SLC9A6: variants seen among roughly 807,000 people sequenced by gnomAD.
SLC9A6 encodes the protein solute carrier family 9 member A6, also known as sodium/hydrogen exchanger 6.
SLC9A6 carries 6 observed loss-of-function variants against 45.3 expected under a neutral mutation model. The observed-to-expected ratio is 0.13, with a 90% CI of 0.07 to 0.26. The LOEUF (loss-of-function observed/expected upper bound fraction) is 0.26, where lower values mean the gene tolerates loss of function less well. SLC9A6 is among the 10% of genes least tolerant of loss of function. The probability of loss-of-function intolerance (pLI) is 1.00; values close to 1 mark genes in which losing one functional copy is unlikely to be tolerated. For missense variants in SLC9A6, 278 were observed against 503.7 expected (o/e 0.55, Z 4.29); for synonymous variants, 191 against 187.7 (o/e 1.02, Z -0.14).
At chrX:136,010,779 G>T (rs1418581109) in intron 8 of SLC9A6, among the ~76,000 whole-genome samples, 196 bp downstream of exon 8, 1 of 111,988 alleles carries the variant, frequency 8.9e-6, no homozygotes, top group African/African-American at 3.2e-5. Context: ...TCTGCATAGG[G>T]TTTGGTGCCC....
At position 136,046,796 on chromosome X, in the gene SLC9A6, ACT is replaced by A. The variant is rs1418111175; in HGVS notation, c.*2075_*2076del. 5.3e-5 allele frequency: 6 copies of A among 112,238 alleles called. No individual in the cohort carries two copies. The highest frequency in any genetic ancestry group is 1.9e-4 in the Admixed American group (2 of 10,552). The allele number at this position is 112,238 out of a possible 1,213,427, so 9.2% of individuals were successfully genotyped here. ...TCTCCAAGCAAGGAAGAAAAAACAA[ACT>A]CTGCTCAGACGCCTATGAAACACCT... On this transcript the variant is annotated 3_prime_UTR_variant, in exon 18 of 18. Transcript: ENST00000630721.
chrX:135,992,455 T>C (rs781940081), intron 2 of SLC9A6, among the ~76,000 whole-genome samples: 3 of 111,932 alleles, frequency 2.7e-5, no homozygotes, highest in African/African-American at 9.7e-5. Context: ...ATTTTACTTT[T>C]GGGATAAACT....
intron 16 of SLC9A6, among the ~76,000 whole-genome samples, chrX:136,034,581 T>C (rs1001199661): frequency 1.8e-5 from 2 of 112,244 alleles, no homozygotes; most frequent in African/African-American, 3.2e-5. Context: ...TTATGTTCTA[T>C]TGAAGCAAAT....
At chrX:135,978,996 T>C (rs1342483708) in intron 1 of SLC9A6, among the ~76,000 whole-genome samples, 2 of 110,494 alleles carry the variant, frequency 1.8e-5, no homozygotes, top group Non-Finnish European at 3.8e-5. Context: ...CTTCTTGTTT[T>C]CTTATACATT....
At position 136,008,328 on chromosome X, in the gene SLC9A6, C is replaced by T. The variant is rs966351034; in HGVS notation, c.744-2114C>T. Among the ~76,000 whole-genome samples, 7 of 111,559 alleles carry T rather than the reference C, an allele frequency of 6.3e-5. No individual in the cohort carries two copies. In the Admixed American group the frequency reaches 6.7e-4, roughly 11 times the overall value. On this transcript the variant is annotated intron_variant, in intron 7 of 17. Transcript: ENST00000630721. ...TCAGCTCACTGCAACCTCCACCTCC[C>T]GGGTTCATGAGGTTCACCTGCCTTA... is the stretch of plus-strand genomic sequence containing the variant.
In SLC9A6 at chrX:136,011,157, G is replaced by A. The variant is rs139987144; in HGVS notation, c.885+574G>A. Among the ~76,000 whole-genome samples the A allele has an allele frequency of 5.0e-3, 564 of 112,192 alleles. 4 individuals are homozygous for A. Among genetic ancestry groups the A allele is most frequent in the African/African-American group, 0.016 (495 of 30,895 alleles). On this transcript the variant is annotated intron_variant, in intron 8 of 17. Transcript: ENST00000630721. Reference sequence around the variant, plus strand: ...GTTCATGCAAAGGCCATTTTATCCCGGACTTCACCACCATGCAATATATCC... The same window carrying A: ...GTTCATGCAAAGGCCATTTTATCCCAGACTTCACCACCATGCAATATATCC...
intron 12 of SLC9A6, among the ~76,000 whole-genome samples, chrX:136,024,109 A>T (rs1556620284): frequency 9.0e-6 from 1 of 111,143 alleles, no homozygotes. Context: ...CTGGTCTCGA[A>T]CTCCTGACCT....
intron 16 of SLC9A6, among the ~76,000 whole-genome samples, chrX:136,038,207 T>C (rs1340575518): frequency 8.9e-6 from 1 of 112,007 alleles, no homozygotes; most frequent in Non-Finnish European, 1.9e-5. Flanking sequence ...AGCATTCTCT[T>C]TTATTTCTAG....
chrX:136,036,901 G>T (rs1247528459), intron 16 of SLC9A6, among the ~76,000 whole-genome samples: 1 of 112,398 alleles, frequency 8.9e-6, no homozygotes, highest in Non-Finnish European at 1.9e-5. Flanking sequence ...CATGGTGAGA[G>T]ATAGTGGGTG....
chrX:135,988,726 G>GT (rs1189508013), intron 2 of SLC9A6, among the ~76,000 whole-genome samples: 1 of 109,274 alleles, frequency 9.2e-6, no homozygotes, highest in Non-Finnish European at 1.9e-5. Flanking sequence ...ATCCTTCTGA[G>GT]TTACTGTGAC....
At position 136,016,744 on chromosome X, in the gene SLC9A6, G is replaced by C; in HGVS notation, c.1180G>C (p.Val394Leu). The part of the protein sequence containing the change: ...FQNHVFNPTF[V>L]VGAFVAIFLG... ...GAACCATGTCTTTAACCCAACATTT[G>C]TAGTAGGAGCATTTGTATCCTTTAT... The change falls in exon 11 of 18, where the codon GTA becomes CTA. Residue 394 changes from valine to leucine, a missense_variant. Val to Leu is a conservative substitution (Grantham distance 32). This residue lies in a region of SLC9A6 where 41 missense variants were observed against 51.8 expected (regional missense o/e 0.79). Coordinates refer to ENST00000630721, the MANE Select transcript of SLC9A6 (RefSeq NM_001379110.1). 9.1e-7 allele frequency: 1 copy of C among 1,093,132 alleles called. No homozygotes were observed. Among genetic ancestry groups the C allele is most frequent in the African/African-American group, 1.8e-5 (1 of 55,475 alleles). The allele number at this position is 1,093,132 out of a possible 1,213,427, so 90.1% of individuals were successfully genotyped here.
rs1556616278 is a variant in SLC9A6 at position 135,994,931 on chromosome X, A to G, written c.315A>G (p.Gly105=). Residue 105 remains glycine (G), a synonymous_variant, in exon 3 of 18, where the codon GGA becomes GGG. Transcript: ENST00000630721. ...SGKFYEYMLK[G]EISSHELNNV... ...AATTTTATGAGTATATGCTGAAAGGAGAGATTAGTTCACATGAACTCAATA... is the reference window on the plus strand; with the variant it reads ...AATTTTATGAGTATATGCTGAAAGGGGAGATTAGTTCACATGAACTCAATA... 8.3e-7 allele frequency: 1 copy of G among 1,204,620 alleles called. No homozygotes were observed. The highest frequency in any genetic ancestry group is 1.8e-5 in the South Asian group (1 of 56,852).
chrX:135,977,758 A>G (rs1556613537), intron 1 of SLC9A6, among the ~76,000 whole-genome samples: 1 of 111,549 alleles, frequency 9.0e-6, no homozygotes, highest in East Asian at 2.8e-4. Flanking sequence ...AGAAATTCAA[A>G]CAATAAAAAA....
rs936186723 is a variant in SLC9A6, at chrX:136,010,824, A to T, written c.885+241A>T. ...CACTGCAAGTGTATAATTAGAGATG[A>T]TATCTCTCTGAGGGTGAATTTTATA... is the stretch of plus-strand genomic sequence containing the variant. On this transcript the variant is annotated intron_variant, in intron 8 of 17. Coordinates refer to ENST00000630721, the MANE Select transcript of SLC9A6 (RefSeq NM_001379110.1). Among the ~76,000 whole-genome samples the T allele has an allele frequency of 1.6e-4, 18 of 112,159 alleles. No homozygotes were observed. The Admixed American group carries it at 1.6e-3, about 10-fold the overall frequency.
At chrX:136,008,836 A>G (rs1194898357) in intron 7 of SLC9A6, among the ~76,000 whole-genome samples, 1 of 112,332 alleles carries the variant, frequency 8.9e-6, no homozygotes, top group African/African-American at 3.2e-5. Context: ...ATTTCAATCC[A>G]GAGGCTAGTG....
chrX:136,001,429 G>C (rs1392792815), intron 6 of SLC9A6, among the ~76,000 whole-genome samples: 1 of 109,325 alleles, frequency 9.1e-6, no homozygotes, highest in Admixed American at 9.9e-5. Context: ...TGAGCTATGT[G>C]ACTTAGTAAT....
At position 136,010,227 on chromosome X, in the gene SLC9A6, C is replaced by A. The variant is rs926171903; in HGVS notation, c.744-215C>A. On this transcript the variant is annotated intron_variant, in intron 7 of 17. Coordinates refer to ENST00000630721, the MANE Select transcript of SLC9A6 (RefSeq NM_001379110.1). ...ATAGAGGATTTTACAATGTTCTACC[C>A]CCCCCCCGAAATTAACATTTAAGGG... 106 of 303,135 alleles carry A rather than the reference C, an allele frequency of 3.5e-4. 2 individuals carry two copies. The East Asian group carries it at 4.0e-3, about 11-fold the overall frequency. The allele number at this position is 303,135 out of a possible 1,213,427, so 25.0% of individuals were successfully genotyped here.
chrX:136,040,257 AT>A, intron 17 of SLC9A6, 76 bp downstream of exon 17: 1 of 773,631 alleles, frequency 1.3e-6, no homozygotes. Context: ...CACTGGTTTT[AT>A]TTTATTTTGG....
chrX:136,010,282 A>G, intron 7 of SLC9A6, 160 bp from the exon 8 acceptor site: 1 of 393,811 alleles, frequency 2.5e-6, no homozygotes, highest in Non-Finnish European at 4.3e-6. Context: ...AGCCAGATAC[A>G]TTGCAGGATT....
Sources: gnomAD v4.1 joint callset for allele counts (sites outside exome capture counted in the v4.1 genomes callset) on GRCh38, gnomAD v4.1.1 for gene constraint, gnomAD v4.1.1 regional missense constraint, MANE v1.5 for transcripts, NCBI Gene and HGNC (gene_info 2026-07-23, HGNC 2026-07-21) for gene names.